RNF19A: variants seen among roughly 807,000 people sequenced by gnomAD.
The protein encoded by RNF19A is ring finger protein 19A, RBR E3 ubiquitin protein ligase.
A neutral mutation model predicts 75.7 loss-of-function variants in RNF19A; 32 were observed. The ratio of observed to expected loss-of-function variants is 0.42; its 90% CI spans 0.32 to 0.57. The LOEUF is 0.57. Ranked by LOEUF, RNF19A falls within the 20% of genes least tolerant of loss-of-function variation. The probability of loss-of-function intolerance (pLI) is 0.10; values close to 1 mark genes in which losing one functional copy is unlikely to be tolerated. For synonymous variants in RNF19A, 335 were observed against 345.2 expected (o/e 0.97, Z 0.33); for missense variants, 782 against 1,036.3 (o/e 0.75, Z 3.37).
At chr8:100,297,053 A>T (rs1735907919) in intron 1 of RNF19A, among the ~76,000 whole-genome samples, 1 of 152,234 alleles carries the variant, frequency 6.6e-6, no homozygotes, top group African/African-American at 2.4e-5. Flanking sequence ...ATATGTCCAT[A>T]AAGATATTAT....
In RNF19A at chr8:100,259,865, G is replaced by T. The variant is rs767519899; in HGVS notation, c.1815C>A (p.Ile605=). Residue 605 remains isoleucine, a synonymous_variant, in exon 9 of 10, where the codon ATC becomes ATA. Coordinates refer to ENST00000341084, the MANE Select transcript of RNF19A (RefSeq NM_183419.4). This position sits in a 1 kb window ranked among gnomAD's most constrained non-coding sequence, Gnocchi z 4.5. ...AMAGSILNSY[I]PLDKEGNSME... ...AGTTTTTTCCTTACTTGTCCAATGG[G>T]ATGTAGGAATTCAGAATGGATCCTG... 1 of 1,611,920 alleles carries T rather than the reference G, an allele frequency of 6.2e-7. No homozygotes were observed. Among genetic ancestry groups the T allele is most frequent in the Non-Finnish European group, 8.5e-7 (1 of 1,179,202 alleles).
Position 100,259,437 on chromosome 8 carries a change from ATAG to A in RNF19A, c.1827-194_1827-192del, listed in dbSNP as rs1819609224. Among the ~76,000 whole-genome samples, 1 of 152,234 alleles carries A rather than the reference ATAG, an allele frequency of 6.6e-6. No homozygotes were observed. Among genetic ancestry groups the A allele is most frequent in the South Asian group, 2.1e-4 (1 of 4,834 alleles). On this transcript the variant is annotated intron_variant, in intron 9 of 9. Transcript: ENST00000341084. The surrounding 1 kb of genome is among the most constrained non-coding windows in gnomAD (Gnocchi z 4.5). ...CTTTATAATGCTTCAATGTTTTAAA[ATAG>A]TGGTGGACACATTTATTGCTTATGC...
Position 100,317,270 on chromosome 8 carries a change from G to A in RNF19A, c.-242-3898C>T, listed in dbSNP as rs922391446. Among the ~76,000 whole-genome samples the A allele has an allele frequency of 6.6e-5, 10 of 152,220 alleles. No homozygotes were observed. The highest frequency in any genetic ancestry group is 6.5e-4 in the Admixed American group (10 of 15,290). On this transcript the variant is annotated intron_variant, in intron 1 of 3. Transcript: ENST00000519527. This position sits in a 1 kb window ranked among gnomAD's most constrained non-coding sequence, Gnocchi z 4.3. ...TGGGCTGAAGGGCTCCTCAAATGCCGCCAAAGTGGGAGCCCAGGCAGAGGA... is the reference window on the plus strand; with the variant it reads ...TGGGCTGAAGGGCTCCTCAAATGCCACCAAAGTGGGAGCCCAGGCAGAGGA...
At chr8:100,291,361 G>A (rs1356961950) in intron 1 of RNF19A, among the ~76,000 whole-genome samples, 1 of 152,228 alleles carries the variant, frequency 6.6e-6, no homozygotes, top group African/African-American at 2.4e-5. Flanking sequence ...AATGAATGAT[G>A]CTTTTCAGTT....
chr8:100,302,941 G>C (rs1821904882), intron 1 of RNF19A, among the ~76,000 whole-genome samples: 1 of 152,192 alleles, frequency 6.6e-6, no homozygotes, highest in African/African-American at 2.4e-5. Context: ...TTCCTGTTGA[G>C]ACTGGAGGGT....
chr8:100,305,277 G>C (rs1383512750), intron 1 of RNF19A, among the ~76,000 whole-genome samples: 1 of 152,184 alleles, frequency 6.6e-6, no homozygotes, highest in East Asian at 1.9e-4. Context: ...ACTGAGAGAA[G>C]ACAGGTAGCC....
intron 1 of RNF19A, among the ~76,000 whole-genome samples, chr8:100,308,803 C>T (rs1355527180): frequency 6.6e-6 from 1 of 152,210 alleles, no homozygotes; most frequent in African/African-American, 2.4e-5. Flanking sequence ...TTCTAGCCAA[C>T]ATCTAGGTTT....
intron 1 of RNF19A, among the ~76,000 whole-genome samples, chr8:100,301,192 G>C (rs1235207656): frequency 6.6e-6 from 1 of 152,188 alleles, no homozygotes; most frequent in Non-Finnish European, 1.5e-5. Context: ...ATATTGGACT[G>C]AACAGGTCTA....
intron 1 of RNF19A, among the ~76,000 whole-genome samples, chr8:100,300,947 GCTCTT>G (rs1821795559): frequency 1.3e-5 from 2 of 152,298 alleles, no homozygotes; most frequent in South Asian, 4.1e-4. Flanking sequence ...GTACTTACTT[GCTCTT>G]CTCAAGAGGC....
intron 1 of RNF19A, among the ~76,000 whole-genome samples, chr8:100,320,261 G>A (rs1043430171): frequency 1.3e-5 from 2 of 152,072 alleles, no homozygotes; most frequent in African/African-American, 2.4e-5. Flanking sequence ...TATACTGAAT[G>A]TATCATTTTA....
At position 100,264,810 on chromosome 8, in the gene RNF19A, G is replaced by C; in HGVS notation, c.1192-25C>G. 6.8e-7 allele frequency: 1 copy of C among 1,478,496 alleles called. No individual in the cohort carries two copies. Among genetic ancestry groups the C allele is most frequent in the South Asian group, 1.1e-5 (1 of 87,822 alleles). 91.6% of individuals were successfully genotyped at this position (1,478,496 alleles called of 1,614,324 possible). A position where few individuals can be genotyped will look rare whatever the true frequency, so the allele number is the denominator to read the frequency against. ...TCTTGAATTAATAAAAATAGGGGTGGGGGATTAAAGAGAAAATACATTACA... is the reference window on the plus strand; with the variant it reads ...TCTTGAATTAATAAAAATAGGGGTGCGGGATTAAAGAGAAAATACATTACA... On this transcript the variant is annotated intron_variant, in intron 5 of 9. Coordinates refer to ENST00000341084, the MANE Select transcript of RNF19A (RefSeq NM_183419.4). This position sits in a 1 kb window ranked among gnomAD's most constrained non-coding sequence, Gnocchi z 4.7.
intron 1 of RNF19A, among the ~76,000 whole-genome samples, chr8:100,315,811 T>C (rs1198473554): frequency 6.6e-6 from 1 of 152,210 alleles, no homozygotes; most frequent in Non-Finnish European, 1.5e-5. Flanking sequence ...GCCTGGCTAA[T>C]CTTGCTTGTT....
chr8:100,314,704 C>G (rs1272909035), upstream of RNF19A, among the ~76,000 whole-genome samples: 1 of 152,186 alleles, frequency 6.6e-6, no homozygotes, highest in Non-Finnish European at 1.5e-5. The surrounding 1 kb of genome is among the most constrained non-coding windows in gnomAD (Gnocchi z 4.1). Flanking sequence ...CTGCCTGGCT[C>G]ATTTCTATCA....
chr8:100,281,813 A>C (rs1287407273), intron 2 of RNF19A, among the ~76,000 whole-genome samples: 1 of 152,190 alleles, frequency 6.6e-6, no homozygotes, highest in Non-Finnish European at 1.5e-5. Flanking sequence ...TATTTGATCC[A>C]GTTAAGGGGA....
chr8:100,264,170 A>T lies in RNF19A; in HGVS notation c.1332T>A (p.Ala444=). The stretch of plus-strand genomic sequence containing the variant: ...AAATTGGAACTACGCCATAGACATA[A>T]GCTAACATAATAGGAACACCGATAC... ...TVGIGVPIML[A]YVYGVVPISL... The change falls in exon 7 of 10, where the codon GCT becomes GCA. Residue 444 remains alanine (A), a synonymous_variant. Transcript: ENST00000341084. This position sits in a 1 kb window ranked among gnomAD's most constrained non-coding sequence, Gnocchi z 4.7. 6 of 1,613,280 alleles carry T rather than the reference A, an allele frequency of 3.7e-6. No individual in the cohort carries two copies. The highest frequency in any genetic ancestry group is 5.1e-6 in the Non-Finnish European group (6 of 1,179,550).
intron 1 of RNF19A, among the ~76,000 whole-genome samples, chr8:100,306,758 A>G (rs902399144): frequency 3.3e-5 from 5 of 152,222 alleles, no homozygotes; most frequent in African/African-American, 1.2e-4. Flanking sequence ...TTAGCTGTGC[A>G]GGTACGGTTA....
At chr8:100,267,837 G>C (rs1199088467) in intron 5 of RNF19A, among the ~76,000 whole-genome samples, 2 of 151,092 alleles carry the variant, frequency 1.3e-5, no homozygotes, top group Admixed American at 6.6e-5. Context: ...ACCATGCCTG[G>C]CTAATTTTTT....
At chr8:100,296,909 C>T (rs1015663905) in intron 1 of RNF19A, among the ~76,000 whole-genome samples, 5 of 152,240 alleles carry the variant, frequency 3.3e-5, no homozygotes, top group East Asian at 3.9e-4. Context: ...ACAAAGTCTC[C>T]GATTCATCAC....
rs1820913547 is a variant in RNF19A, at chr8:100,284,194, T to G, written c.674+3307A>C. On this transcript the variant is annotated intron_variant, in intron 2 of 9. Transcript: ENST00000341084. The surrounding 1 kb of genome is among the most constrained non-coding windows in gnomAD (Gnocchi z 4.3). ...TAGTAATAGCATTAAAGATCTCACTTAATCCTTATAACAACAAGATAGGAT... is the reference window on the plus strand; with the variant it reads ...TAGTAATAGCATTAAAGATCTCACTGAATCCTTATAACAACAAGATAGGAT... 1.3e-5 allele frequency among the ~76,000 whole-genome samples: 2 copies of G among 152,194 alleles called. No homozygotes were observed. Among genetic ancestry groups the G allele is most frequent in the Admixed American group, 6.5e-5 (1 of 15,276 alleles).
Sources: allele counts gnomAD v4.1 joint callset (sites outside exome capture counted in the v4.1 genomes callset), GRCh38; gene constraint gnomAD v4.1.1; non-coding constraint Gnocchi (gnomAD v3.1); transcripts MANE v1.5; gene names NCBI Gene and HGNC (gene_info 2026-07-23, HGNC 2026-07-21).